RADIL: variants seen among roughly 807,000 people sequenced by gnomAD.
The protein encoded by RADIL is Rap associating with DIL domain.
Under a neutral mutation model 97.6 loss-of-function variants are expected in RADIL, and 99 were observed. The observed-to-expected ratio is 1.01, with a 90% CI of 0.86 to 1.20. The LOEUF (loss-of-function observed/expected upper bound fraction) is 1.20. Ranked by LOEUF, RADIL falls within the 50% of genes most tolerant of loss-of-function variation. The pLI, the probability that RADIL is intolerant of heterozygous loss-of-function variation, is 0.00. For missense variants in RADIL, 1,765 were observed against 1,498.9 expected (o/e 1.18, Z -2.93); for synonymous variants, 803 against 691.8 (o/e 1.16, Z -2.52).
At chr7:4,852,233 T>C (rs1266745262) in intron 2 of RADIL, among the ~76,000 whole-genome samples, 4 of 152,082 alleles carry the variant, frequency 2.6e-5, no homozygotes, top group African/African-American at 7.2e-5. Flanking sequence ...AAGTGGCTGA[T>C]AGACATGCTA....
intron 2 of RADIL, among the ~76,000 whole-genome samples, chr7:4,857,007 C>CA (rs1410021501): frequency 6.6e-6 from 1 of 152,252 alleles, no homozygotes; most frequent in Non-Finnish European, 1.5e-5. Flanking sequence ...CCAGCCACTA[C>CA]ACCGGACTGT....
At position 4,880,217 on chromosome 7, in the gene RADIL, A is replaced by C. The variant is rs1784456221; in HGVS notation, c.-64-2014T>G. 6.6e-6 allele frequency among the ~76,000 whole-genome samples: 1 copy of C among 152,176 alleles called. No homozygotes were observed. Among genetic ancestry groups the C allele is most frequent in the Non-Finnish European group, 1.5e-5 (1 of 68,028 alleles). On this transcript the variant is annotated intron_variant, in intron 1 of 14. Transcript: ENST00000399583. The surrounding 1 kb of genome is among the most constrained non-coding windows in gnomAD (Gnocchi z 4.5). ...CATCGAGCCAGGCCATAAAGGAGTA[A>C]AGGAGCAAAGCCTTTGTTTCTCTTC...
intron 5 of RADIL, among the ~76,000 whole-genome samples, chr7:4,828,180 G>C (rs1783048585): frequency 6.6e-6 from 1 of 152,236 alleles, no homozygotes; most frequent in South Asian, 2.1e-4. Context: ...AATATAGGCT[G>C]GGTGCAGTGG....
At chr7:4,811,298 GGA>G (rs1326141408) in intron 9 of RADIL, 1 of 152,168 alleles carries the variant, frequency 6.6e-6, no homozygotes, top group East Asian at 1.9e-4. Flanking sequence ...CCTGAAATGT[GGA>G]GAGTTTGGGC....
At chr7:4,811,817 C>G (rs968455529) in intron 9 of RADIL, among the ~76,000 whole-genome samples, 17 of 151,864 alleles carry the variant, frequency 1.1e-4, no homozygotes, top group African/African-American at 4.1e-4. Context: ...AAATAATTCA[C>G]CAATGAAACC....
rs372860386 is a variant in RADIL, at chr7:4,856,833, T to C, written c.536-20228A>G. 3.9e-5 allele frequency among the ~76,000 whole-genome samples: 6 copies of C among 152,354 alleles called. No homozygotes were observed. The South Asian group carries it at 1.0e-3, about 26-fold the overall frequency. ...TCACCAGATCATTCATGGCAAACAATGGCTGATAGGGATGGGTGAGAAATC... is the reference window on the plus strand; with the variant it reads ...TCACCAGATCATTCATGGCAAACAACGGCTGATAGGGATGGGTGAGAAATC... On this transcript the variant is annotated intron_variant, in intron 2 of 14. Transcript: ENST00000399583.
rs552358337 is a variant in RADIL at position 4,846,054 on chromosome 7, T to C, written c.536-9449A>G. Among the ~76,000 whole-genome samples the C allele has an allele frequency of 3.3e-5, 5 of 151,964 alleles. No individual in the cohort carries two copies. In the East Asian group the frequency reaches 9.7e-4, roughly 29 times the overall value. On this transcript the variant is annotated intron_variant, in intron 2 of 14. Transcript: ENST00000399583. ...GGCACGCCACCAACAGCGACAGCCC[T>C]ATGGAGGGCGCTGTTTCATCTCAGG...
chr7:4,822,367 G>T lies in RADIL; in HGVS notation c.1615+27C>A. The T allele has an allele frequency of 1.9e-6, 3 of 1,594,660 alleles. No homozygotes were observed. The highest frequency in any genetic ancestry group is 2.2e-5 in the South Asian group (2 of 88,932). Reference sequence around the variant, plus strand: ...CTCCCCTGCCTGGGGTGCTGGCGGGGGGAATGGAGGGCAGCGCCAGCCGTA... The same window carrying T: ...CTCCCCTGCCTGGGGTGCTGGCGGGTGGAATGGAGGGCAGCGCCAGCCGTA... On this transcript the variant is annotated intron_variant, in intron 6 of 14. Transcript: ENST00000399583. This position sits in a 1 kb window ranked among gnomAD's most constrained non-coding sequence, Gnocchi z 5.3.
rs1286995452 is a variant in RADIL, at chr7:4,878,495, G to A, written c.-64-292C>T. Among the ~76,000 whole-genome samples the A allele has an allele frequency of 1.3e-5, 2 of 152,218 alleles. No homozygotes were observed. The highest frequency in any genetic ancestry group is 3.8e-4 in the East Asian group (2 of 5,196). Reference sequence around the variant, plus strand: ...TTCAAGATTGCAGTGAGCTATGATAGTGCCACGGCCCTCCAGCCCGGGCAG... The same window carrying A: ...TTCAAGATTGCAGTGAGCTATGATAATGCCACGGCCCTCCAGCCCGGGCAG... On this transcript the variant is annotated intron_variant, in intron 1 of 14. Transcript: ENST00000399583. The surrounding 1 kb of genome is among the most constrained non-coding windows in gnomAD (Gnocchi z 4.1).
chr7:4,812,205 G>T (rs1161611085), intron 9 of RADIL, among the ~76,000 whole-genome samples: 2 of 152,200 alleles, frequency 1.3e-5, no homozygotes, highest in East Asian at 3.9e-4. Flanking sequence ...AAGCATGCAG[G>T]ACCATTCAGA....
intron 2 of RADIL, among the ~76,000 whole-genome samples, chr7:4,876,791 G>A (rs1042810199): frequency 2.6e-5 from 4 of 152,158 alleles, no homozygotes; most frequent in Non-Finnish European, 4.4e-5. Flanking sequence ...CCCTCCTCAG[G>A]AAGGCCTCCC....
Position 4,817,290 on chromosome 7 carries a change from C to T in RADIL, c.1677G>A (p.Leu559=). The T allele has an allele frequency of 6.2e-7, 1 of 1,612,754 alleles. No homozygotes were observed. The highest frequency in any genetic ancestry group is 8.5e-7 in the Non-Finnish European group (1 of 1,179,790). Residue 559 remains leucine, a synonymous_variant, in exon 7 of 15, where the codon CTG becomes CTA. Coordinates refer to ENST00000399583, the MANE Select transcript of RADIL (RefSeq NM_018059.5). The surrounding 1 kb of genome is among the most constrained non-coding windows in gnomAD (Gnocchi z 8.3). ...GGAAGGCGTACAGCACCACCTCCTCCAGCACCGCCATGGCCTCCTCGCTGG... is the reference window on the plus strand; with the variant it reads ...GGAAGGCGTACAGCACCACCTCCTCTAGCACCGCCATGGCCTCCTCGCTGG... ...LTASEEAMAV[L]EEVVLYAFQQ... is the part of the protein sequence containing the mutation.
At chr7:4,841,753 G>A (rs753144078) in intron 2 of RADIL, among the ~76,000 whole-genome samples, 4 of 152,204 alleles carry the variant, frequency 2.6e-5, no homozygotes, top group Non-Finnish European at 5.9e-5. Context: ...GAAGCAAAAT[G>A]TACACTTTCT....
At chr7:4,850,419 C>T (rs1783680952) in intron 2 of RADIL, among the ~76,000 whole-genome samples, 2 of 152,136 alleles carry the variant, frequency 1.3e-5, no homozygotes, top group Admixed American at 1.3e-4. Flanking sequence ...AGAGATTCTG[C>T]AGATATAATT....
At chr7:4,829,693 G>C (rs753280252) in intron 5 of RADIL, among the ~76,000 whole-genome samples, 15 of 152,088 alleles carry the variant, frequency 9.9e-5, no homozygotes, top group Non-Finnish European at 2.2e-4. Flanking sequence ...TTGCCATGCT[G>C]TTCTCCCGAT....
rs147961490 is a variant in RADIL, at chr7:4,831,905, A to G, written c.1454+236T>C. ...AACAAAACAAAACAAAAACAAACAA[A>G]AAAAGAAGACCTCACCCATCCAGTC... On this transcript the variant is annotated intron_variant, in intron 5 of 14. Transcript: ENST00000399583. Among the ~76,000 whole-genome samples, 1,267 of 152,222 alleles carry G rather than the reference A, an allele frequency of 8.3e-3. 22 individuals carry two copies. The highest frequency in any genetic ancestry group is 0.029 in the African/African-American group (1,206 of 41,530).
chr7:4,798,705 G>A lies in RADIL; in HGVS notation c.*673C>T, dbSNP rs1047990400. 3 of 152,636 alleles carry A rather than the reference G, an allele frequency of 2.0e-5. No individual in the cohort carries two copies. The highest frequency in any genetic ancestry group is 4.4e-5 in the Non-Finnish European group (3 of 68,352). 9.5% of individuals were successfully genotyped at this position (152,636 alleles called of 1,614,324 possible). A position where few individuals can be genotyped will look rare whatever the true frequency, so the allele number is the denominator to read the frequency against. On this transcript the variant is annotated 3_prime_UTR_variant, in exon 15 of 15. Transcript: ENST00000399583. Reference sequence around the variant, plus strand: ...TATCAGGGCCACGCTGGTGGCTTTAGTAGGGGAGAGGAACTCAGGAGGGAG... The same window carrying A: ...TATCAGGGCCACGCTGGTGGCTTTAATAGGGGAGAGGAACTCAGGAGGGAG...
intron 12 of RADIL, 129 bp downstream of exon 12, chr7:4,801,524 G>A (rs1271703988): frequency 9.9e-7 from 1 of 1,008,756 alleles, no homozygotes; most frequent in South Asian, 1.6e-5. Flanking sequence ...CCCGTCTCAG[G>A]TTGCAGGTGT....
At chr7:4,862,626 C>G (rs190596964) in intron 2 of RADIL, among the ~76,000 whole-genome samples, 2 of 152,288 alleles carry the variant, frequency 1.3e-5, no homozygotes, top group Admixed American at 1.3e-4. Flanking sequence ...CCAGGCTGGG[C>G]GCAGTGGCTC....
Sources: allele counts gnomAD v4.1 joint callset (sites outside exome capture counted in the v4.1 genomes callset), GRCh38; gene constraint gnomAD v4.1.1; non-coding constraint Gnocchi (gnomAD v3.1); transcripts MANE v1.5; gene names NCBI Gene and HGNC (gene_info 2026-07-23, HGNC 2026-07-21).